Variants in HYKK observed in about 807,000 individuals in gnomAD.
HYKK encodes hydroxylysine kinase.
Under a neutral mutation model 29.7 loss-of-function variants are expected in HYKK, and 19 were observed. That is an observed-to-expected ratio of 0.64 (90% confidence interval 0.45 to 0.94). HYKK has a LOEUF of 0.94. Among genes scored for constraint, HYKK ranks in the 40% least tolerant of loss-of-function variants. The pLI is 0.00. For missense variants in HYKK, 390 were observed against 443.4 expected (o/e 0.88, Z 1.08); for synonymous variants, 152 against 158.1 (o/e 0.96, Z 0.29).
intron 3 of HYKK, chr15:78,518,676 G>C: frequency 2.3e-6 from 1 of 436,786 alleles, no homozygotes. Flanking sequence ...CCAGCACTTT[G>C]GGAGGCCGAG....
chr15:78,517,189 G>A (rs2052144969), intron 3 of HYKK, among the ~76,000 whole-genome samples: 1 of 141,714 alleles, frequency 7.1e-6, no homozygotes, highest in African/African-American at 2.6e-5. Context: ...TCTGCCTCCC[G>A]GGCTCATTGC....
intron 3 of HYKK, among the ~76,000 whole-genome samples, chr15:78,525,338 A>G (rs999909234): frequency 1.3e-5 from 2 of 149,800 alleles, no homozygotes; most frequent in African/African-American, 4.9e-5. Flanking sequence ...TGTATTTTTT[A>G]GTAGAGATGT....
chr15:78,519,139 C>T lies in HYKK; in HGVS notation c.477+4032C>T, dbSNP rs577840372. 1.3e-4 allele frequency among the ~76,000 whole-genome samples: 20 copies of T among 152,258 alleles called. No homozygotes were observed. The South Asian group carries it at 1.7e-3, about 13-fold the overall frequency. ...TCTGAACCATTTATTCCATGCGCCA[C>T]GCTATTCCACAGCCCCAGGGGCATA... On this transcript the variant is annotated intron_variant, in intron 3 of 4. Transcript: ENST00000388988.
At chr15:78,510,001 G>C (rs1191221594) in intron 1 of HYKK, among the ~76,000 whole-genome samples, 3 of 152,212 alleles carry the variant, frequency 2.0e-5, no homozygotes, top group African/African-American at 7.2e-5. Flanking sequence ...AGGAGGATCA[G>C]GGAAGGCCAT....
At chr15:78,524,383 A>T (rs1231446949) in intron 3 of HYKK, among the ~76,000 whole-genome samples, 1 of 152,198 alleles carries the variant, frequency 6.6e-6, no homozygotes, top group Non-Finnish European at 1.5e-5. Context: ...AGCTGGCACA[A>T]CTGGGACGTG....
At chr15:78,518,689 A>C in intron 3 of HYKK, 1 of 424,930 alleles carries the variant, frequency 2.4e-6, no homozygotes, top group Non-Finnish European at 4.7e-6. Context: ...AGGCCGAGGC[A>C]GGTGGATCAC....
At chr15:78,520,601 A>G (rs1309959725) in intron 3 of HYKK, among the ~76,000 whole-genome samples, 1 of 152,242 alleles carries the variant, frequency 6.6e-6, no homozygotes, top group East Asian at 1.9e-4. Flanking sequence ...AATTTTTCTT[A>G]GTACAGAACA....
chr15:78,527,543 A>G lies in HYKK; in HGVS notation c.641A>G (p.Lys214Arg), dbSNP rs1427226678. The G allele has an allele frequency of 8.7e-6, 14 of 1,614,050 alleles. No individual in the cohort carries two copies. Among genetic ancestry groups the G allele is most frequent in the Non-Finnish European group, 1.2e-5 (14 of 1,179,960 alleles). Residue 214 changes from lysine to arginine, a missense_variant, in exon 4 of 5, where the codon AAA becomes AGA. By Grantham distance (26) the Lys-to-Arg change is conservative. Coordinates refer to ENST00000388988, the MANE Select transcript of HYKK (RefSeq NM_001013619.4). ...CTGTTCAAGGAGGAAGTAATGACCAAATTAAGTCATTTTCGAGAATGTGAG... is the reference window on the plus strand; with the variant it reads ...CTGTTCAAGGAGGAAGTAATGACCAGATTAAGTCATTTTCGAGAATGTGAG... ...IHLFKEEVMT[K>R]LSHFRECINH...
In HYKK at chr15:78,507,679, A is replaced by T. The variant is rs1427871475; in HGVS notation, c.-6+8A>T. The T allele has an allele frequency of 6.6e-6, 1 of 152,342 alleles. No individual in the cohort carries two copies. The highest frequency in any genetic ancestry group is 1.5e-5 in the Non-Finnish European group (1 of 68,166). The allele number at this position is 152,342 out of a possible 1,614,324, so 9.4% of individuals were successfully genotyped here. A position where few individuals can be genotyped will look rare whatever the true frequency, so the allele number is the denominator to read the frequency against. ...GACGTCGGGTCGCTGCCGGTGAGCC[A>T]AGGAGGGGGAAGCAGAGACGAGCCC... On this transcript the variant is annotated splice_region_variant and intron_variant, in intron 1 of 4. Transcript: ENST00000388988.
intron 3 of HYKK, among the ~76,000 whole-genome samples, chr15:78,517,509 G>T (rs1395450436): frequency 4.6e-5 from 7 of 152,032 alleles, no homozygotes; most frequent in African/African-American, 1.7e-4. Context: ...AACCCAGGAG[G>T]TGGGGGTTGC....
intron 3 of HYKK, chr15:78,518,655 C>T (rs761370569): frequency 8.9e-6 from 4 of 451,776 alleles, no homozygotes; most frequent in East Asian, 1.4e-4. Context: ...CAGTAGCTTA[C>T]GCCTATAATC....
intron 3 of HYKK, among the ~76,000 whole-genome samples, chr15:78,520,965 G>C (rs1250307137): frequency 6.6e-6 from 1 of 151,888 alleles, no homozygotes; most frequent in Non-Finnish European, 1.5e-5. Context: ...CGGGCGGGGG[G>C]CTGACCCCCC....
intron 4 of HYKK, 69 bp from the exon 5 acceptor site, chr15:78,533,141 A>G: frequency 1.0e-6 from 1 of 991,484 alleles, no homozygotes; most frequent in Non-Finnish European, 1.5e-6. Flanking sequence ...TTTGCCTATG[A>G]AAGAGAAATG....
chr15:78,518,842 G>A, intron 3 of HYKK: 1 of 241,344 alleles, frequency 4.1e-6, no homozygotes, highest in African/African-American at 2.3e-5. Context: ...TTGAACCCAG[G>A]AGGCAGAGGC....
chr15:78,517,515 G>C (rs944514607), intron 3 of HYKK, among the ~76,000 whole-genome samples: 2 of 152,004 alleles, frequency 1.3e-5, no homozygotes, highest in African/African-American at 4.8e-5. Context: ...GGAGGTGGGG[G>C]TTGCAGTGAA....
chr15:78,518,656 G>A (rs1010249415), intron 3 of HYKK: 4 of 451,710 alleles, frequency 8.9e-6, no homozygotes, highest in Admixed American at 2.4e-5. Flanking sequence ...AGTAGCTTAC[G>A]CCTATAATCC....
chr15:78,530,857 G>GTT, intron 4 of HYKK, among the ~76,000 whole-genome samples: 1 of 151,338 alleles, frequency 6.6e-6, no homozygotes, highest in East Asian at 1.9e-4. Flanking sequence ...TCCTGTTTTG[G>GTT]TTTTTTTTGT....
intron 3 of HYKK, among the ~76,000 whole-genome samples, chr15:78,524,205 T>C (rs1224859879): frequency 6.6e-6 from 1 of 152,234 alleles, no homozygotes; most frequent in Non-Finnish European, 1.5e-5. Context: ...ATCCAGGCTT[T>C]TCCATACATC....
Position 78,522,400 on chromosome 15 carries a change from A to T in HYKK, c.478-4980A>T, listed in dbSNP as rs191735360. Among the ~76,000 whole-genome samples the T allele has an allele frequency of 5.2e-3, 781 of 149,998 alleles. 8 individuals carry two copies. Among genetic ancestry groups the T allele is most frequent in the African/African-American group, 0.017 (711 of 40,812 alleles). On this transcript the variant is annotated intron_variant, in intron 3 of 4. Transcript: ENST00000388988. ...GAAACCCTGTCTCTACTAAAAAAAA[A>T]TTTTTTTAATTAGCTGGGTGTGGTG...
Sources: gnomAD v4.1 joint callset for allele counts (sites outside exome capture counted in the v4.1 genomes callset) on GRCh38, gnomAD v4.1.1 for gene constraint, MANE v1.5 for transcripts, NCBI Gene and HGNC (gene_info 2026-07-23, HGNC 2026-07-21) for gene names.